Variants in NEK6 observed in about 807,000 individuals in gnomAD.
NEK6 encodes NIMA related kinase 6.
Under a neutral mutation model 43.5 loss-of-function variants are expected in NEK6, and 27 were observed. The observed-to-expected ratio is 0.62, with a 90% CI of 0.46 to 0.86. The LOEUF (loss-of-function observed/expected upper bound fraction) is 0.86, where lower values mean the gene tolerates loss of function less well. NEK6 is among the 40% of genes least tolerant of loss of function. The probability of loss-of-function intolerance (pLI) is 0.00; values close to 1 mark genes in which losing one functional copy is unlikely to be tolerated. For synonymous variants in NEK6, 167 were observed against 164.1 expected (o/e 1.02, Z -0.14); for missense variants, 318 against 414.4 (o/e 0.77, Z 2.02).
intron 8 of NEK6, among the ~76,000 whole-genome samples, chr9:124,345,867 T>A (rs2416924): frequency 0.33 from 49,537 of 151,848 alleles, 8,750 homozygotes; most frequent in Non-Finnish European, 0.4. Flanking sequence ...CACCCGAGAG[T>A]CTCATTTTAA....
At chr9:124,270,975 T>C (rs2118916765) in intron 1 of NEK6, among the ~76,000 whole-genome samples, 1 of 152,292 alleles carries the variant, frequency 6.6e-6, no homozygotes, top group East Asian at 1.9e-4. Context: ...CACACACACA[T>C]TTCACACAGA....
chr9:124,270,073 C>CT (rs1214593887), intron 1 of NEK6, among the ~76,000 whole-genome samples: 2 of 152,152 alleles, frequency 1.3e-5, no homozygotes, highest in Non-Finnish European at 2.9e-5. Context: ...TTCCACGCCC[C>CT]CCCCCCATGC....
intron 1 of NEK6, among the ~76,000 whole-genome samples, chr9:124,267,807 C>T (rs1249130605): frequency 6.6e-6 from 1 of 152,214 alleles, no homozygotes; most frequent in East Asian, 1.9e-4. Context: ...GGTCCCTGCC[C>T]CGTCTTCCTG....
At chr9:124,287,250 G>A (rs983615116) in intron 1 of NEK6, among the ~76,000 whole-genome samples, 22 of 152,188 alleles carry the variant, frequency 1.4e-4, no homozygotes, top group African/African-American at 5.3e-4. Context: ...CCTTTGTGTA[G>A]GCTCACTTTC....
intron 1 of NEK6, among the ~76,000 whole-genome samples, chr9:124,268,516 G>C (rs1831309431): frequency 6.6e-6 from 1 of 152,360 alleles, no homozygotes; most frequent in African/African-American, 2.4e-5. Flanking sequence ...TGGAGATGCA[G>C]AAATGCAAAT....
chr9:124,330,268 G>GCATACA (rs1336582648), intron 7 of NEK6, among the ~76,000 whole-genome samples: 6 of 152,244 alleles, frequency 3.9e-5, no homozygotes, highest in African/African-American at 1.4e-4. Context: ...GATCATATTT[G>GCATACA]TCAGGAAGGA....
chr9:124,281,401 C>T (rs933367315), intron 1 of NEK6, among the ~76,000 whole-genome samples: 2 of 151,676 alleles, frequency 1.3e-5, no homozygotes, highest in African/African-American at 2.4e-5. Flanking sequence ...GGCCTAGGGC[C>T]GTGTGAAGTC....
chr9:124,318,483 C>T (rs774897877), intron 4 of NEK6, among the ~76,000 whole-genome samples: 4 of 152,150 alleles, frequency 2.6e-5, no homozygotes, highest in Non-Finnish European at 5.9e-5. Context: ...GCAGCCCTCC[C>T]ACTTCAGCCT....
At chr9:124,289,167 A>ACCCCCCCCCCCCCC (rs1203191463) in intron 1 of NEK6, among the ~76,000 whole-genome samples, 1 of 15,184 alleles carries the variant, frequency 6.6e-5, no homozygotes, top group Non-Finnish European at 1.2e-4. Context: ...TTGATTGGAC[A>ACCCCCCCCCCCCCC]CCCCCCCCGC....
At chr9:124,308,254 G>A (rs1833358475) in intron 2 of NEK6, among the ~76,000 whole-genome samples, 1 of 152,188 alleles carries the variant, frequency 6.6e-6, no homozygotes. Flanking sequence ...CAGAGCAGTG[G>A]TTACCCCTCT....
chr9:124,326,865 T>C lies in NEK6; in HGVS notation c.514+427T>C, dbSNP rs1834366621. Among the ~76,000 whole-genome samples, 1 of 152,128 alleles carries C rather than the reference T, an allele frequency of 6.6e-6. No individual in the cohort carries two copies. The highest frequency in any genetic ancestry group is 1.5e-5 in the Non-Finnish European group (1 of 68,014). On this transcript the variant is annotated intron_variant, in intron 6 of 9. Transcript: ENST00000320246. This position sits in a 1 kb window ranked among gnomAD's most constrained non-coding sequence, Gnocchi z 4.5. ...GGGTGCCCGGCAGGGCACGAGGTCC[T>C]TTACGTAGGCTGCTTCATGGACACC...
chr9:124,326,708 G>A lies in NEK6; in HGVS notation c.514+270G>A, dbSNP rs191119985. On this transcript the variant is annotated intron_variant, in intron 6 of 9. Transcript: ENST00000320246. This position sits in a 1 kb window ranked among gnomAD's most constrained non-coding sequence, Gnocchi z 4.5. ...CCCACAGCAGCCTGGGAGGGAGGTCGAGGAAGCCTCGCACAGAGGGGACTT... is the reference window on the plus strand; with the variant it reads ...CCCACAGCAGCCTGGGAGGGAGGTCAAGGAAGCCTCGCACAGAGGGGACTT... Among the ~76,000 whole-genome samples the A allele has an allele frequency of 6.6e-6, 1 of 152,308 alleles. No individual in the cohort carries two copies. The highest frequency in any genetic ancestry group is 1.5e-5 in the Non-Finnish European group (1 of 68,006).
intron 8 of NEK6, among the ~76,000 whole-genome samples, chr9:124,342,837 A>G (rs1172268355): frequency 6.6e-6 from 1 of 152,242 alleles, no homozygotes; most frequent in Non-Finnish European, 1.5e-5. Flanking sequence ...CACACACAGC[A>G]TATGAACACA....
At chr9:124,260,158 C>T (rs1830976435) in intron 1 of NEK6, among the ~76,000 whole-genome samples, 1 of 152,160 alleles carries the variant, frequency 6.6e-6, no homozygotes. Context: ...CCGAAGTCAC[C>T]TGCCCAGCCT....
At chr9:124,350,800 C>T (rs1396966636) in intron 9 of NEK6, 37 bp from the exon 10 acceptor site, 1 of 1,500,218 alleles carries the variant, frequency 6.7e-7, no homozygotes, top group African/African-American at 1.4e-5. Flanking sequence ...AGTAAGACTG[C>T]TTTCTTGAGA....
rs754265379 is a variant in NEK6 at position 124,326,620 on chromosome 9, G to A, written c.514+182G>A. ...ACGCGCCCGGGTCAGGAACCTCCCCGAGGTGGAAAGTGACATGAGCCCCAG... is the reference window on the plus strand; with the variant it reads ...ACGCGCCCGGGTCAGGAACCTCCCCAAGGTGGAAAGTGACATGAGCCCCAG... On this transcript the variant is annotated intron_variant, in intron 6 of 9. Coordinates refer to ENST00000320246, the MANE Select transcript of NEK6 (RefSeq NM_014397.6). This position sits in a 1 kb window ranked among gnomAD's most constrained non-coding sequence, Gnocchi z 4.5. 2.6e-5 allele frequency among the ~76,000 whole-genome samples: 4 copies of A among 152,166 alleles called. No homozygotes were observed. Among genetic ancestry groups the A allele is most frequent in the African/African-American group, 4.8e-5 (2 of 41,456 alleles).
At chr9:124,350,150 C>G (rs1191089404) in intron 9 of NEK6, among the ~76,000 whole-genome samples, 1 of 152,214 alleles carries the variant, frequency 6.6e-6, no homozygotes, top group Non-Finnish European at 1.5e-5. Flanking sequence ...GCGGGGCTGA[C>G]CACCCCTCCA....
At chr9:124,320,926 T>C (rs1015603324) in intron 4 of NEK6, among the ~76,000 whole-genome samples, 5 of 152,100 alleles carry the variant, frequency 3.3e-5, no homozygotes, top group African/African-American at 1.2e-4. Context: ...ATCCTATCTC[T>C]ACAAAAAAAT....
In NEK6 at chr9:124,324,579, G is replaced by A. The variant is rs1834240895; in HGVS notation, c.406-1751G>A. On this transcript the variant is annotated intron_variant, in intron 5 of 9. Coordinates refer to ENST00000320246, the MANE Select transcript of NEK6 (RefSeq NM_014397.6). This position sits in a 1 kb window ranked among gnomAD's most constrained non-coding sequence, Gnocchi z 5.3. ...CGCGTCCCTGCTTAAATGCTGTAAT[G>A]AGGATTCACTCACATCACAGCGTGA... 6.6e-6 allele frequency among the ~76,000 whole-genome samples: 1 copy of A among 152,180 alleles called. No homozygotes were observed. The highest frequency in any genetic ancestry group is 2.4e-5 in the African/African-American group (1 of 41,444).
Sources: allele counts gnomAD v4.1 joint callset (sites outside exome capture counted in the v4.1 genomes callset), GRCh38; gene constraint gnomAD v4.1.1; non-coding constraint Gnocchi (gnomAD v3.1); transcripts MANE v1.5; gene names NCBI Gene and HGNC (gene_info 2026-07-23, HGNC 2026-07-21).